The following KAZN variants were observed in gnomAD, a reference collection of about 807,000 sequenced individuals.
KAZN encodes the protein kazrin.
KAZN carries 40 observed loss-of-function variants against 87.4 expected under a neutral mutation model. The ratio of observed to expected loss-of-function variants is 0.46; its 90% confidence interval spans 0.36 to 0.60. The LOEUF is 0.60. Among genes scored for constraint, KAZN ranks in the 20% least tolerant of loss-of-function variants. The pLI, the probability that KAZN is intolerant of heterozygous loss-of-function variation, is 0.00. For missense variants in KAZN, 898 were observed against 1,073.9 expected (o/e 0.84, Z 2.29); for synonymous variants, 466 against 458.3 (o/e 1.02, Z -0.22).
intron 2 of KAZN, among the ~76,000 whole-genome samples, chr1:14,297,092 T>C (rs1300974722): frequency 2.6e-5 from 4 of 152,154 alleles, no homozygotes; most frequent in African/African-American, 4.8e-5. Flanking sequence ...TGCATTCAGC[T>C]GCAAGGAACA....
chr1:14,755,723 G>A (rs1644544147), intron 1 of KAZN, among the ~76,000 whole-genome samples: 1 of 152,172 alleles, frequency 6.6e-6, no homozygotes, highest in South Asian at 2.1e-4. Flanking sequence ...GGGCTCCACG[G>A]GGTCCCTCTT....
intron 1 of KAZN, among the ~76,000 whole-genome samples, chr1:13,982,427 G>A (rs956090651): frequency 6.6e-6 from 1 of 152,214 alleles, no homozygotes; most frequent in Admixed American, 6.5e-5. Flanking sequence ...TGAAGCTGCC[G>A]ACTTTCGCGC....
At chr1:14,907,332 A>T (rs940975938) in intron 1 of KAZN, among the ~76,000 whole-genome samples, 6 of 150,532 alleles carry the variant, frequency 4.0e-5, no homozygotes, top group African/African-American at 1.5e-4. Flanking sequence ...AACCCAGGAG[A>T]TGGAGGTTGC....
chr1:14,549,301 C>T (rs1673357491), intron 2 of KAZN, among the ~76,000 whole-genome samples: 1 of 152,134 alleles, frequency 6.6e-6, no homozygotes, highest in Non-Finnish European at 1.5e-5. Context: ...TGTACTGTGC[C>T]CAGCTAAAAA....
At chr1:13,985,353 A>G (rs180701548) in intron 1 of KAZN, among the ~76,000 whole-genome samples, 2,081 of 151,994 alleles carry the variant, frequency 0.014, 43 homozygotes, top group African/African-American at 0.047. Context: ...TGGCACATAT[A>G]CACCATGGAA....
chr1:15,027,158 T>C (rs1265908429), intron 2 of KAZN, among the ~76,000 whole-genome samples: 1 of 136,554 alleles, frequency 7.3e-6, no homozygotes, highest in Middle Eastern at 3.9e-3. Flanking sequence ...CTCGGCTCAC[T>C]GCAAGCTCCG....
At chr1:14,584,600 T>C (rs1675739146) in intron 2 of KAZN, among the ~76,000 whole-genome samples, 1 of 152,036 alleles carries the variant, frequency 6.6e-6, no homozygotes, top group South Asian at 2.1e-4. Flanking sequence ...ATTCATAGAT[T>C]AAAATCCTAC....
chr1:14,548,064 C>CA (rs1334611791), intron 2 of KAZN, among the ~76,000 whole-genome samples: 2 of 150,040 alleles, frequency 1.3e-5, no homozygotes, highest in Admixed American at 1.3e-4. Context: ...TTGCAAATTG[C>CA]AAAAAAAGAT....
chr1:14,456,412 T>TGTTGA (rs1487970595), intron 2 of KAZN, among the ~76,000 whole-genome samples: 2 of 152,212 alleles, frequency 1.3e-5, no homozygotes, highest in African/African-American at 4.8e-5. Flanking sequence ...GAAAAATATT[T>TGTTGA]GTTGAGTTTT....
intron 2 of KAZN, among the ~76,000 whole-genome samples, chr1:14,430,996 C>T (rs1449612311): frequency 6.6e-6 from 1 of 152,180 alleles, no homozygotes; most frequent in Non-Finnish European, 1.5e-5. Flanking sequence ...GTTATAGACC[C>T]AGAAAATTAT....
chr1:14,985,135 C>CA (rs1164946882), intron 2 of KAZN, among the ~76,000 whole-genome samples: 219 of 86,726 alleles, frequency 2.5e-3, no homozygotes, highest in South Asian at 4.9e-3. Context: ...GACTCTGTCT[C>CA]AAAAAAAAAA....
At chr1:14,883,342 G>GAGAGAGAAAGAAAGA (rs1377953212) in intron 1 of KAZN, among the ~76,000 whole-genome samples, 3 of 33,460 alleles carry the variant, frequency 9.0e-5, no homozygotes, top group African/African-American at 2.8e-4. Context: ...GAGAGAGAGA[G>GAGAGAGAAAGAAAGA]AAAGAAAGAA....
chr1:14,297,508 G>C (rs533427613), intron 2 of KAZN, among the ~76,000 whole-genome samples: 187 of 152,224 alleles, frequency 1.2e-3, no homozygotes, highest in Middle Eastern at 3.4e-3. Flanking sequence ...ATTTGGGAGA[G>C]CCAGCTGCAG....
At chr1:14,602,573 T>C (rs1677063990) in intron 1 of KAZN, among the ~76,000 whole-genome samples, 1 of 152,226 alleles carries the variant, frequency 6.6e-6, no homozygotes, top group Non-Finnish European at 1.5e-5. Flanking sequence ...CTAAGCTGTT[T>C]TCCTCAGCAT....
chr1:13,912,866 G>T (rs1639704734), intron 1 of KAZN, among the ~76,000 whole-genome samples: 1 of 152,176 alleles, frequency 6.6e-6, no homozygotes, highest in African/African-American at 2.4e-5. Context: ...AAAGTGCTGG[G>T]ATTACAGGCA....
intron 1 of KAZN, among the ~76,000 whole-genome samples, chr1:14,047,669 A>C (rs888656216): frequency 6.6e-6 from 1 of 152,138 alleles, no homozygotes; most frequent in Non-Finnish European, 1.5e-5. Flanking sequence ...GGAGCTTGAG[A>C]CCAGCCTGGC....
chr1:14,163,521 C>T (rs1645755918), intron 1 of KAZN, among the ~76,000 whole-genome samples: 1 of 152,132 alleles, frequency 6.6e-6, no homozygotes, highest in African/African-American at 2.4e-5. Flanking sequence ...CCAGTTAAAC[C>T]CCACCATTTT....
At chr1:14,231,868 T>C (rs1647886681) in intron 2 of KAZN, among the ~76,000 whole-genome samples, 1 of 152,194 alleles carries the variant, frequency 6.6e-6, no homozygotes, top group South Asian at 2.1e-4. Context: ...ATAACTTTCC[T>C]CCATGCAGTG....
chr1:14,372,970 G>A (rs1660621798), intron 2 of KAZN, among the ~76,000 whole-genome samples: 1 of 152,100 alleles, frequency 6.6e-6, no homozygotes, highest in African/African-American at 2.4e-5. Flanking sequence ...ATACAAAAGA[G>A]CCTATGTAGA....
Sources: gnomAD v4.1 joint callset for allele counts (sites outside exome capture counted in the v4.1 genomes callset) on GRCh38, gnomAD v4.1.1 for gene constraint, MANE v1.5 for transcripts, NCBI Gene and HGNC (gene_info 2026-07-23, HGNC 2026-07-21) for gene names.